Variants in AGBL1 observed in about 807,000 individuals in gnomAD.
The protein encoded by AGBL1 is cytosolic carboxypeptidase 4.
AGBL1 carries 130 observed loss-of-function variants against 118.9 expected under a neutral mutation model. The ratio of observed to expected loss-of-function variants is 1.09; its 90% CI spans 0.95 to 1.26. The LOEUF (loss-of-function observed/expected upper bound fraction) is 1.26. Among genes scored for constraint, AGBL1 ranks in the 50% most tolerant of loss-of-function variants. The pLI, the probability that AGBL1 is intolerant of heterozygous loss-of-function variation, is 0.00. For synonymous variants in AGBL1, 555 were observed against 478.9 expected (o/e 1.16, Z -2.08); for missense variants, 1,584 against 1,298.1 (o/e 1.22, Z -3.38).
At chr15:86,684,559 A>G (rs182994064) in intron 22 of AGBL1, among the ~76,000 whole-genome samples, 3 of 151,686 alleles carry the variant, frequency 2.0e-5, no homozygotes, top group Admixed American at 6.6e-5. Flanking sequence ...GGGCTCAAGC[A>G]GTCCTCTTGC....
At chr15:86,210,183 C>T (rs887105878) in intron 5 of AGBL1, among the ~76,000 whole-genome samples, 16 of 152,282 alleles carry the variant, frequency 1.1e-4, no homozygotes, top group South Asian at 2.1e-4. Context: ...CCAGGAGATC[C>T]GCTGTTAGTC....
At chr15:86,580,557 A>AT (rs1192868091) in intron 21 of AGBL1, among the ~76,000 whole-genome samples, 6 of 151,902 alleles carry the variant, frequency 3.9e-5, no homozygotes, top group Admixed American at 2.6e-4. Flanking sequence ...TGGATCATTA[A>AT]TTTTTTTCCT....
chr15:86,563,805 C>T (rs1003776412), intron 21 of AGBL1, among the ~76,000 whole-genome samples: 1 of 152,130 alleles, frequency 6.6e-6, no homozygotes, highest in African/African-American at 2.4e-5. Context: ...CTTTATGAAT[C>T]TGGGTGCTCC....
intron 22 of AGBL1, among the ~76,000 whole-genome samples, chr15:86,750,041 G>A (rs550052655): frequency 4.6e-5 from 7 of 152,052 alleles, no homozygotes; most frequent in African/African-American, 1.7e-4. Flanking sequence ...AGTTAGGGAG[G>A]ATTCCCTCTT....
Position 86,910,295 on chromosome 15 carries a change from A to G in AGBL1, c.*3001A>G, listed in dbSNP as rs762079363. ...TGTGGTAGAGTTAGAGCTTGAAATA[A>G]AATGTTCAGTGTGACTGGTTTAAAA... On this transcript the variant is annotated 3_prime_UTR_variant, in exon 23 of 23. Coordinates refer to ENST00000614907, the MANE Select transcript of AGBL1 (RefSeq NM_001386094.1). 4 of 152,224 alleles carry G rather than the reference A, an allele frequency of 2.6e-5. No homozygotes were observed. Among genetic ancestry groups the G allele is most frequent in the Admixed American group, 6.5e-5 (1 of 15,288 alleles). 9.4% of individuals were successfully genotyped at this position (152,224 alleles called of 1,614,324 possible).
chr15:86,339,678 T>A (rs554931949), intron 17 of AGBL1, among the ~76,000 whole-genome samples: 1 of 152,298 alleles, frequency 6.6e-6, no homozygotes, highest in South Asian at 2.1e-4. Flanking sequence ...GTTCTAAAGT[T>A]TTTATTTCGG....
chr15:86,729,830 C>T (rs1479711565), intron 22 of AGBL1, among the ~76,000 whole-genome samples: 1 of 152,138 alleles, frequency 6.6e-6, no homozygotes, highest in Non-Finnish European at 1.5e-5. Context: ...CTCTGTTTTA[C>T]ATTCTTAGAG....
intron 17 of AGBL1, among the ~76,000 whole-genome samples, chr15:86,340,843 T>C (rs550404318): frequency 6.6e-6 from 1 of 152,086 alleles, no homozygotes; most frequent in African/African-American, 2.4e-5. Flanking sequence ...TTGCTTCTGG[T>C]TGGGGGTGAG....
intron 17 of AGBL1, among the ~76,000 whole-genome samples, chr15:86,339,386 C>T (rs561415226): frequency 1.4e-4 from 21 of 152,250 alleles, no homozygotes; most frequent in South Asian, 1.0e-3. Flanking sequence ...TTGTTTATCG[C>T]GAAATTTGGC....
intron 5 of AGBL1, among the ~76,000 whole-genome samples, chr15:86,189,040 A>C (rs2141822084): frequency 6.6e-6 from 1 of 152,362 alleles, no homozygotes; most frequent in South Asian, 2.1e-4. Flanking sequence ...TTTGGAAATA[A>C]GACAGCTTCA....
At chr15:86,487,793 G>A (rs1449363055) in intron 18 of AGBL1, among the ~76,000 whole-genome samples, 2 of 152,004 alleles carry the variant, frequency 1.3e-5, no homozygotes, top group African/African-American at 4.8e-5. Context: ...CTAAGCAGCC[G>A]AACATATTTA....
At chr15:86,740,770 G>A (rs1056565194) in intron 22 of AGBL1, among the ~76,000 whole-genome samples, 2 of 152,136 alleles carry the variant, frequency 1.3e-5, no homozygotes, top group African/African-American at 4.8e-5. Context: ...ATAAGGAAAT[G>A]ATGTAAGGTA....
intron 1 of AGBL1, among the ~76,000 whole-genome samples, chr15:86,118,874 T>C (rs369103658): frequency 7.9e-5 from 12 of 152,160 alleles, no homozygotes; most frequent in Non-Finnish European, 1.8e-4. Flanking sequence ...AGCATAATAA[T>C]AGCAACTCCC....
chr15:86,946,880 A>T (rs942474678), intron 23 of AGBL1, among the ~76,000 whole-genome samples: 1 of 151,692 alleles, frequency 6.6e-6, no homozygotes. Flanking sequence ...AAAAGAAAGA[A>T]AAAGAAATAC....
intron 21 of AGBL1, among the ~76,000 whole-genome samples, chr15:86,572,553 G>T (rs2084025523): frequency 6.6e-6 from 1 of 152,182 alleles, no homozygotes; most frequent in African/African-American, 2.4e-5. Context: ...TGCCTGCACC[G>T]TTCCCGCAGT....
intron 17 of AGBL1, among the ~76,000 whole-genome samples, chr15:86,329,070 A>G (rs571816707): frequency 3.3e-5 from 5 of 152,230 alleles, no homozygotes; most frequent in Admixed American, 3.3e-4. Flanking sequence ...CTGGGGTGGA[A>G]GGAGAGCTGC....
intron 22 of AGBL1, among the ~76,000 whole-genome samples, chr15:86,736,348 C>G (rs1386058264): frequency 3.3e-5 from 5 of 151,968 alleles, no homozygotes; most frequent in Middle Eastern, 3.4e-3. Flanking sequence ...CCACTGCACT[C>G]CAGCCTGGGT....
chr15:86,955,574 G>C (rs916152722), intron 23 of AGBL1, among the ~76,000 whole-genome samples: 1 of 151,994 alleles, frequency 6.6e-6, no homozygotes, highest in African/African-American at 2.4e-5. Flanking sequence ...GGTTTACAAA[G>C]ACAAGATAGA....
At chr15:86,682,528 T>C (rs1304132401) in intron 22 of AGBL1, among the ~76,000 whole-genome samples, 2 of 152,178 alleles carry the variant, frequency 1.3e-5, no homozygotes, top group Non-Finnish European at 2.9e-5. Context: ...GAGAGCAATT[T>C]GGCAGTTTGT....
Sources: allele counts gnomAD v4.1 joint callset (sites outside exome capture counted in the v4.1 genomes callset), GRCh38; gene constraint gnomAD v4.1.1; transcripts MANE v1.5; gene names NCBI Gene and HGNC (gene_info 2026-07-23, HGNC 2026-07-21).